TES: variants seen among roughly 807,000 people sequenced by gnomAD.
TES encodes testin.
A neutral mutation model predicts 48.2 loss-of-function variants in TES; 41 were observed. That is an observed-to-expected ratio of 0.85 (90% confidence interval 0.66 to 1.10). The LOEUF (loss-of-function observed/expected upper bound fraction) is 1.10. TES is among the 50% of genes least tolerant of loss of function. The pLI, the probability that TES is intolerant of heterozygous loss-of-function variation, is 0.00. For synonymous variants in TES, 162 were observed against 174.9 expected (o/e 0.93, Z 0.58); for missense variants, 463 against 515.1 (o/e 0.90, Z 0.98).
At chr7:116,218,499 A>T (rs1188617114) in intron 1 of TES, among the ~76,000 whole-genome samples, 4 of 152,202 alleles carry the variant, frequency 2.6e-5, no homozygotes, top group African/African-American at 9.6e-5. Context: ...AGAATGAGTC[A>T]CAAAGTAAGG....
chr7:116,246,014 A>G (rs1196193862), intron 2 of TES, among the ~76,000 whole-genome samples: 1 of 152,026 alleles, frequency 6.6e-6, no homozygotes, highest in African/African-American at 2.4e-5. Context: ...CTCCTACCAC[A>G]TCTCTCCCAC....
chr7:116,249,252 C>G lies in TES; in HGVS notation c.346C>G (p.Pro116Ala). 6.2e-7 allele frequency: 1 copy of G among 1,614,002 alleles called. No homozygotes were observed. Among genetic ancestry groups the G allele is most frequent in the Non-Finnish European group, 8.5e-7 (1 of 1,179,962 alleles). ...INTVTYEWAPPVQNQALARQY... is the reference protein window; with the variant it reads ...INTVTYEWAPAVQNQALARQY... ...TACAGTTACCTATGAGTGGGCTCCT[C>G]CTGTCCAGAATCAAGCATTGGTAAA... is the stretch of plus-strand genomic sequence containing the variant. The change falls in exon 3 of 7, where the codon CCT (proline) becomes GCT (alanine). Residue 116 changes from proline (P) to alanine (A), a missense_variant. Pro to Ala is a conservative substitution (Grantham distance 27). Transcript: ENST00000358204.
Position 116,234,407 on chromosome 7 carries a change from CTAAA to C in TES, c.28-124_28-121del, listed in dbSNP as rs549687378. On this transcript the variant is annotated intron_variant, in intron 1 of 6. Transcript: ENST00000358204. ...GTACATACCTGGGTATCATCATTGACTAAATATAAGATTTGTTTGAAAGTTATCT... is the reference window on the plus strand; with the variant it reads ...GTACATACCTGGGTATCATCATTGACTATAAGATTTGTTTGAAAGTTATCT... The C allele has an allele frequency of 1.9e-3, 1,429 of 751,780 alleles. 14 individuals carry two copies. The African/African-American group carries it at 0.022, about 11-fold the overall frequency. The allele number at this position is 751,780 out of a possible 1,614,324, so 46.6% of individuals were successfully genotyped here. A position where few individuals can be genotyped will look rare whatever the true frequency, so the allele number is the denominator to read the frequency against.
chr7:116,231,800 G>C (rs1474810285), intron 1 of TES, among the ~76,000 whole-genome samples: 1 of 152,110 alleles, frequency 6.6e-6, no homozygotes, highest in Non-Finnish European at 1.5e-5. Context: ...CTGTGTTTCT[G>C]CTAATGCTGG....
In TES at chr7:116,257,473, G is replaced by T; in HGVS notation, c.1257G>T (p.Arg419Ser). 1 of 1,608,338 alleles carries T rather than the reference G, an allele frequency of 6.2e-7. No individual in the cohort carries two copies. The highest frequency in any genetic ancestry group is 1.1e-5 in the South Asian group (1 of 90,204). Residue 419 changes from arginine to serine, a missense_variant, in exon 7 of 7, where the codon AGG (arginine) becomes AGT (serine). Coordinates refer to ENST00000358204, the MANE Select transcript of TES (RefSeq NM_015641.4). ...TCTGTTCAGTGGAATGTAAGAAGAG[G>T]ATGTCTTAGGAGGAGGGCACCCAGA... The part of the protein sequence containing the change: ...MVFCSVECKK[R>S]MS
chr7:116,253,455 G>A (rs1415984452), intron 6 of TES, among the ~76,000 whole-genome samples: 2 of 151,826 alleles, frequency 1.3e-5, no homozygotes, highest in African/African-American at 4.8e-5. Flanking sequence ...TATTGCAGTG[G>A]CCTCAAATTT....
chr7:116,236,279 G>A (rs1799770108), intron 2 of TES, among the ~76,000 whole-genome samples: 1 of 152,058 alleles, frequency 6.6e-6, no homozygotes, highest in African/African-American at 2.4e-5. Flanking sequence ...AATCCAAAAT[G>A]CTCCAAAACC....
intron 1 of TES, among the ~76,000 whole-genome samples, chr7:116,232,023 G>C (rs1364349471): frequency 6.6e-6 from 1 of 152,194 alleles, no homozygotes; most frequent in Non-Finnish European, 1.5e-5. Flanking sequence ...TTGTAAGTCA[G>C]TAGCGAGCTA....
intron 1 of TES, among the ~76,000 whole-genome samples, chr7:116,218,524 T>C (rs1419700909): frequency 1.3e-5 from 2 of 152,180 alleles, no homozygotes; most frequent in African/African-American, 2.4e-5. Context: ...AGGATCTGAT[T>C]TTTCCTTTAT....
At chr7:116,218,486 A>G (rs975869964) in intron 1 of TES, among the ~76,000 whole-genome samples, 2 of 152,212 alleles carry the variant, frequency 1.3e-5, no homozygotes, top group Non-Finnish European at 2.9e-5. Flanking sequence ...TGACAGTCTT[A>G]ACAGAATGAG....
chr7:116,246,734 A>G (rs1394681426), intron 2 of TES, among the ~76,000 whole-genome samples: 2 of 152,102 alleles, frequency 1.3e-5, no homozygotes, highest in African/African-American at 2.4e-5. Flanking sequence ...GTTTACACCT[A>G]TGTTTCATAC....
intron 2 of TES, chr7:116,238,252 G>A (rs1397384194): frequency 6.6e-6 from 1 of 152,186 alleles, no homozygotes; most frequent in African/African-American, 2.4e-5. Context: ...AAATAGCACA[G>A]AGTACTGAGG....
chr7:116,228,022 G>GT (rs11375688), intron 1 of TES, among the ~76,000 whole-genome samples: 28,167 of 122,426 alleles, frequency 0.23, 3,014 homozygotes, highest in East Asian at 0.45. Flanking sequence ...TTTTTTTTTT[G>GT]TTTTTTTTTA....
At chr7:116,253,790 C>G (rs1353147072) in intron 6 of TES, among the ~76,000 whole-genome samples, 1 of 152,006 alleles carries the variant, frequency 6.6e-6, no homozygotes, top group Admixed American at 6.6e-5. Flanking sequence ...TTTCCTGATT[C>G]ACTATGCCCA....
At chr7:116,211,769 T>C (rs1187693121) in intron 1 of TES, among the ~76,000 whole-genome samples, 1 of 151,744 alleles carries the variant, frequency 6.6e-6, no homozygotes, top group Non-Finnish European at 1.5e-5. Flanking sequence ...AGTTTTTGAC[T>C]TGAGCATTAA....
chr7:116,251,453 C>T (rs565210340), intron 4 of TES: 20 of 282,702 alleles, frequency 7.1e-5, no homozygotes, highest in African/African-American at 2.2e-4. Flanking sequence ...GAGGCTGAGG[C>T]GGGTGAATCA....
chr7:116,227,297 T>C (rs1173626795), intron 1 of TES, among the ~76,000 whole-genome samples: 1 of 151,378 alleles, frequency 6.6e-6, no homozygotes. Context: ...TTGTATTTTT[T>C]TTTTTTAGTA....
At position 116,257,423 on chromosome 7, in the gene TES, T is replaced by C. The variant is rs556609294; in HGVS notation, c.1207T>C (p.Phe403Leu). 2 of 1,614,042 alleles carry C rather than the reference T, an allele frequency of 1.2e-6. No individual in the cohort carries two copies. Among genetic ancestry groups the C allele is most frequent in the Non-Finnish European group, 1.7e-6 (2 of 1,179,990 alleles). ...CAGCAAATGCCTCATTGGGCAGAAG[T>C]TCATGCCAGTAGAAGGGATGGTTTT... ...CCSKCLIGQK[F>L]MPVEGMVFCS... Residue 403 changes from phenylalanine to leucine, a missense_variant, in exon 7 of 7, where the codon TTC becomes CTC. Coordinates refer to ENST00000358204, the MANE Select transcript of TES (RefSeq NM_015641.4).
chr7:116,229,016 AT>A (rs1799661534), intron 1 of TES, among the ~76,000 whole-genome samples: 5 of 134,374 alleles, frequency 3.7e-5, no homozygotes, highest in African/African-American at 1.1e-4. Context: ...ATATATATAT[AT>A]ATATATATAT....
Sources: allele counts gnomAD v4.1 joint callset (sites outside exome capture counted in the v4.1 genomes callset), GRCh38; gene constraint gnomAD v4.1.1; transcripts MANE v1.5; gene names NCBI Gene and HGNC (gene_info 2026-07-23, HGNC 2026-07-21).